DENND2B: variants seen among roughly 807,000 people sequenced by gnomAD.
The protein encoded by DENND2B is DENN domain-containing protein 2B.
DENND2B carries 32 observed loss-of-function variants against 116.0 expected under a neutral mutation model. The observed-to-expected ratio is 0.28, with a 90% confidence interval of 0.21 to 0.37. DENND2B has a LOEUF of 0.37. DENND2B is among the 10% of genes least tolerant of loss of function. The pLI, the probability that DENND2B is intolerant of heterozygous loss-of-function variation, is 1.00. For missense variants in DENND2B, 1,276 were observed against 1,477.7 expected (o/e 0.86, Z 2.24); for synonymous variants, 588 against 583.9 (o/e 1.01, Z -0.10).
intron 1 of DENND2B, chr11:8,785,329 T>A (rs911746246): frequency 6.6e-6 from 1 of 152,222 alleles, no homozygotes; most frequent in African/African-American, 2.4e-5. Context: ...TTTTCTGGGA[T>A]CACTGCTGCG....
In DENND2B at chr11:8,693,517, G is replaced by T; in HGVS notation, c.*579C>A. 6.5e-6 allele frequency: 1 copy of T among 152,842 alleles called. No individual in the cohort carries two copies. 9.5% of individuals were successfully genotyped at this position (152,842 alleles called of 1,614,324 possible). A position where few individuals can be genotyped will look rare whatever the true frequency, so the allele number is the denominator to read the frequency against. On this transcript the variant is annotated 3_prime_UTR_variant, in exon 20 of 20. Transcript: ENST00000313726. ...GACACACTGACCATCTCGGAGGGTGGGAGGAATGAGAGGACTAGGCCTAAG... is the reference window on the plus strand; with the variant it reads ...GACACACTGACCATCTCGGAGGGTGTGAGGAATGAGAGGACTAGGCCTAAG...
chr11:8,727,738 T>C (rs1264226025), intron 3 of DENND2B, among the ~76,000 whole-genome samples: 2 of 152,172 alleles, frequency 1.3e-5, no homozygotes, highest in African/African-American at 4.8e-5. Context: ...CAAGTTTTCT[T>C]TGGCATATAC....
At chr11:8,715,854 C>G in intron 5 of DENND2B, 36 bp from the exon 6 acceptor site, 1 of 1,553,162 alleles carries the variant, frequency 6.4e-7, no homozygotes, top group Non-Finnish European at 8.7e-7. Flanking sequence ...GAGGGGCTTG[C>G]CACAGAGGCC....
At chr11:8,835,385 C>G (rs1162376688) in intron 4 of DENND2B, among the ~76,000 whole-genome samples, 1 of 152,220 alleles carries the variant, frequency 6.6e-6, no homozygotes, top group Non-Finnish European at 1.5e-5. Context: ...ATACTTCAAA[C>G]CGTCTACTTT....
chr11:8,801,689 A>G (rs7126089), intron 1 of DENND2B, among the ~76,000 whole-genome samples: 7,200 of 117,710 alleles, frequency 0.061, 719 homozygotes, highest in African/African-American at 0.2. Context: ...AAAAAAAAAA[A>G]AAAGAAAGAA....
At chr11:8,802,639 T>A (rs2060458985) in intron 1 of DENND2B, among the ~76,000 whole-genome samples, 1 of 152,208 alleles carries the variant, frequency 6.6e-6, no homozygotes, top group African/African-American at 2.4e-5. Context: ...GTCTGGGCAC[T>A]AACTGGCTCA....
At chr11:8,811,486 G>C (rs1446752126), upstream of DENND2B, 2 of 393,102 alleles carry the variant, frequency 5.1e-6, no homozygotes, top group Non-Finnish European at 9.0e-6. Context: ...CTTAGTGGGA[G>C]CTGCTGTCAC....
intron 4 of DENND2B, 113 bp from the exon 5 acceptor site, chr11:8,718,005 G>T: frequency 8.0e-7 from 1 of 1,257,736 alleles, no homozygotes; most frequent in Non-Finnish European, 1.1e-6. Context: ...AATGGCTTCT[G>T]CCTGGCCCCT....
intron 1 of DENND2B, among the ~76,000 whole-genome samples, chr11:8,761,187 A>G (rs1383273700): frequency 6.6e-6 from 1 of 152,184 alleles, no homozygotes; most frequent in Non-Finnish European, 1.5e-5. Context: ...CTTGTTAGGC[A>G]ATTTCAGGCC....
intron 1 of DENND2B, among the ~76,000 whole-genome samples, chr11:8,802,841 C>T (rs4929914): frequency 0.59 from 90,446 of 152,024 alleles, 27,485 homozygotes; most frequent in Middle Eastern, 0.73. Flanking sequence ...TTCTTACTTA[C>T]TAAAGGCTGA....
At chr11:8,861,923 C>T (rs549081804) in intron 2 of DENND2B, among the ~76,000 whole-genome samples, 1 of 151,766 alleles carries the variant, frequency 6.6e-6, no homozygotes, top group Non-Finnish European at 1.5e-5. Flanking sequence ...TGAAGTAACA[C>T]AGGAATGCAA....
chr11:8,787,296 A>G (rs985104095), intron 1 of DENND2B: 1 of 152,232 alleles, frequency 6.6e-6, no homozygotes, highest in African/African-American at 2.4e-5. Flanking sequence ...AGTAAGTATC[A>G]TCATCCTCAA....
intron 5 of DENND2B, among the ~76,000 whole-genome samples, chr11:8,716,092 AAAG>A (rs2044709373): frequency 6.6e-6 from 1 of 152,260 alleles, no homozygotes; most frequent in Non-Finnish European, 1.5e-5. Flanking sequence ...CTGAGTGGAA[AAAG>A]AAGACTAAGT....
At position 8,742,493 on chromosome 11, in the gene DENND2B, C is replaced by G. The variant is rs376739933; in HGVS notation, c.80+8128G>C. 1.5e-4 allele frequency among the ~76,000 whole-genome samples: 23 copies of G among 152,124 alleles called. No individual in the cohort carries two copies. In the East Asian group the frequency reaches 4.2e-3, roughly 28 times the overall value. On this transcript the variant is annotated intron_variant, in intron 2 of 19. Coordinates refer to ENST00000313726, the MANE Select transcript of DENND2B (RefSeq NM_213618.2). ...TATTAGAAGCTAGAAAAGAAGGAAC[C>G]CTTATAGTGTTGAAAAGCTTGTCAG... is the stretch of plus-strand genomic sequence containing the variant.
intron 3 of DENND2B, among the ~76,000 whole-genome samples, chr11:8,729,362 CG>C (rs1274087579): frequency 6.6e-6 from 1 of 152,158 alleles, no homozygotes; most frequent in Non-Finnish European, 1.5e-5. Flanking sequence ...ACGTGAGCCT[CG>C]GAACAGGCTC....
intron 1 of DENND2B, among the ~76,000 whole-genome samples, chr11:8,750,961 C>CT (rs2052315395): frequency 6.6e-6 from 1 of 152,182 alleles, no homozygotes; most frequent in Admixed American, 6.5e-5. Flanking sequence ...AATCAGCACT[C>CT]TGTGTCTAGC....
chr11:8,703,967 C>G (rs949975353), intron 13 of DENND2B, among the ~76,000 whole-genome samples: 1 of 152,180 alleles, frequency 6.6e-6, no homozygotes, highest in African/African-American at 2.4e-5. Context: ...CTGTCCCCGC[C>G]CCAAAATTCG....
intron 1 of DENND2B, among the ~76,000 whole-genome samples, chr11:8,894,441 T>C (rs1427355831): frequency 6.6e-6 from 1 of 150,728 alleles, no homozygotes; most frequent in African/African-American, 2.4e-5. Flanking sequence ...CAAAAGAAAC[T>C]ACCATCAGAG....
chr11:8,767,988 G>C (rs1408868149), intron 1 of DENND2B, among the ~76,000 whole-genome samples: 1 of 152,104 alleles, frequency 6.6e-6, no homozygotes, highest in Non-Finnish European at 1.5e-5. Flanking sequence ...TCTATACCAA[G>C]GGGAGTTGGG....
Sources: gnomAD v4.1 joint callset for allele counts (sites outside exome capture counted in the v4.1 genomes callset) on GRCh38, gnomAD v4.1.1 for gene constraint, MANE v1.5 for transcripts, NCBI Gene and HGNC (gene_info 2026-07-23, HGNC 2026-07-21) for gene names.